The following IQSEC1 variants were observed in gnomAD, a reference collection of about 807,000 sequenced individuals.
The protein encoded by IQSEC1 is IQ motif and Sec7 domain ArfGEF 1.
A neutral mutation model predicts 91.0 loss-of-function variants in IQSEC1; 31 were observed. That is an observed-to-expected ratio of 0.34 (90% confidence interval 0.26 to 0.46). The LOEUF (loss-of-function observed/expected upper bound fraction) is 0.46, where lower values mean the gene tolerates loss of function less well. IQSEC1 is among the 20% of genes least tolerant of loss of function. The pLI, the probability that IQSEC1 is intolerant of heterozygous loss-of-function variation, is 1.00. For synonymous variants in IQSEC1, 699 were observed against 662.6 expected, an observed-to-expected ratio of 1.05 and a Z score of -0.84; for missense variants, 1,388 against 1,575.6, an observed-to-expected ratio of 0.88 and a Z score of 2.02.
chr3:12,965,383 G>A (rs530894515), intron 1 of IQSEC1, among the ~76,000 whole-genome samples: 3 of 152,316 alleles, frequency 2.0e-5, no homozygotes, highest in East Asian at 3.9e-4. Flanking sequence ...AAAGGGCTCT[G>A]GCCCCTGGGA....
intron 1 of IQSEC1, among the ~76,000 whole-genome samples, chr3:13,029,023 G>A (rs996882592): frequency 6.6e-6 from 1 of 152,204 alleles, no homozygotes; most frequent in Non-Finnish European, 1.5e-5. Flanking sequence ...ATCTCCAGGG[G>A]TTGTGAAGAT....
chr3:13,087,419 G>A (rs1170415120), intron 2 of IQSEC1, among the ~76,000 whole-genome samples: 1 of 152,188 alleles, frequency 6.6e-6, no homozygotes, highest in Non-Finnish European at 1.5e-5. Context: ...CAGGAGGTCT[G>A]CAGACAAGCC....
chr3:12,904,785 C>T (rs1018147169), intron 12 of IQSEC1, among the ~76,000 whole-genome samples: 4 of 152,206 alleles, frequency 2.6e-5, no homozygotes, highest in African/African-American at 4.8e-5. Context: ...CGTCTGTAAC[C>T]GGCAACTCCT....
chr3:13,170,924 C>T (rs1576281058), intron 1 of IQSEC1, among the ~76,000 whole-genome samples: 3 of 152,000 alleles, frequency 2.0e-5, no homozygotes, highest in Admixed American at 1.3e-4. Context: ...ATGGTGAAAC[C>T]CCATCTCTAC....
rs146862367 is a variant in IQSEC1, at chr3:13,130,215, G to T, written c.302+33889C>A. Among the ~76,000 whole-genome samples, 70 of 151,208 alleles carry T rather than the reference G, an allele frequency of 4.6e-4. No individual in the cohort carries two copies. In the South Asian group the frequency reaches 0.014, roughly 30 times the overall value. On this transcript the variant is annotated intron_variant, in intron 2 of 15. Coordinates refer to the IQSEC1 transcript ENST00000648114. The stretch of plus-strand genomic sequence containing the variant: ...AAAAATTAGCCAGGTGTGGTGGCGC[G>T]CGCCTGTACTCCCAGCTACTCGGAA...
At position 13,157,326 on chromosome 3, in the gene IQSEC1, C is replaced by T. The variant is rs529627198; in HGVS notation, c.302+6778G>A. ...CAAGTTCACAGAAAACAAATCAAAA[C>T]GCAAAATACACCCAGTCAGATAGGT... On this transcript the variant is annotated intron_variant, in intron 2 of 15. Transcript: ENST00000648114. Among the ~76,000 whole-genome samples the T allele has an allele frequency of 1.1e-4, 17 of 152,284 alleles. No homozygotes were observed. In the South Asian group the frequency reaches 1.4e-3, roughly 13 times the overall value.
intron 1 of IQSEC1, among the ~76,000 whole-genome samples, chr3:12,952,397 C>G (rs1445233097): frequency 6.6e-6 from 1 of 152,204 alleles, no homozygotes; most frequent in Non-Finnish European, 1.5e-5. Context: ...CCCCATCAGT[C>G]AGCACATCGG....
At chr3:13,277,607 G>A (rs562803007) in intron 1 of IQSEC1, among the ~76,000 whole-genome samples, 2 of 152,150 alleles carry the variant, frequency 1.3e-5, no homozygotes, top group Non-Finnish European at 2.9e-5. Flanking sequence ...AACACATTTT[G>A]TCCCATCAGA....
rs530155739 is a variant in IQSEC1 at position 13,129,174 on chromosome 3, GCTAT to G, written c.302+34926_302+34929del. Among the ~76,000 whole-genome samples the G allele has an allele frequency of 1.3e-4, 20 of 152,190 alleles. No individual in the cohort carries two copies. The East Asian group carries it at 3.7e-3, about 28-fold the overall frequency. On this transcript the variant is annotated intron_variant, in intron 2 of 15. Coordinates refer to the IQSEC1 transcript ENST00000648114. ...ATTTGTTTGATATAAAGCTATTTAG[GCTAT>G]CTATTTACTATTGAGATTTGTTAGT...
chr3:13,136,726 C>T (rs358385), intron 2 of IQSEC1, among the ~76,000 whole-genome samples: 76,422 of 152,072 alleles, frequency 0.5, 20,497 homozygotes, highest in African/African-American at 0.7. Flanking sequence ...ATGTGGGTGA[C>T]CCCACCAGAC....
intron 1 of IQSEC1, among the ~76,000 whole-genome samples, chr3:13,035,239 G>A (rs779161080): frequency 1.8e-4 from 28 of 152,338 alleles, no homozygotes; most frequent in Non-Finnish European, 3.2e-4. Context: ...GACCTCCTAA[G>A]AGTGGCTCAG....
intron 2 of IQSEC1, among the ~76,000 whole-genome samples, chr3:13,154,437 G>A (rs2686603): frequency 0.52 from 7,109 of 13,770 alleles, 1,442 homozygotes; most frequent in East Asian, 0.64. Context: ...GAACTTACAT[G>A]CATATATATA....
At chr3:12,961,202 A>G (rs1367807404) in intron 1 of IQSEC1, among the ~76,000 whole-genome samples, 2 of 152,248 alleles carry the variant, frequency 1.3e-5, no homozygotes, top group African/African-American at 2.4e-5. Flanking sequence ...CCAAAGCCTC[A>G]GAAGCTCAGC....
chr3:12,952,548 G>C (rs895528967), intron 1 of IQSEC1, among the ~76,000 whole-genome samples: 2 of 152,062 alleles, frequency 1.3e-5, no homozygotes, highest in East Asian at 1.9e-4. Flanking sequence ...CAGCAACTGA[G>C]GTCCTGTGAA....
chr3:13,097,184 C>T (rs1178706131), intron 2 of IQSEC1, among the ~76,000 whole-genome samples: 1 of 152,172 alleles, frequency 6.6e-6, no homozygotes, highest in Non-Finnish European at 1.5e-5. Flanking sequence ...CATGGCATCC[C>T]TTCGCCTCTG....
At chr3:13,092,247 G>A (rs1705875071) in intron 2 of IQSEC1, among the ~76,000 whole-genome samples, 3 of 152,206 alleles carry the variant, frequency 2.0e-5, no homozygotes, top group Admixed American at 2.0e-4. Flanking sequence ...CCGTATCACG[G>A]GGGTGTTTCC....
Position 12,941,766 on chromosome 3 carries a change from C to T in IQSEC1, c.123G>A (p.Pro41=), listed in dbSNP as rs754595699. The change falls in exon 2 of 14, where the codon CCG becomes CCA. Residue 41 remains proline, a synonymous_variant. Transcript: ENST00000613206. ...GPLVPGSSLS[P]DHYEHTSVGA... Reference sequence around the variant, plus strand: ...CCACTGACGTGTGCTCGTAGTGATCCGGGCTCAGGCTGGAACCGGGCACCA... The same window carrying T: ...CCACTGACGTGTGCTCGTAGTGATCTGGGCTCAGGCTGGAACCGGGCACCA... The T allele has an allele frequency of 1.5e-5, 24 of 1,611,958 alleles. No individual in the cohort carries two copies. The highest frequency in any genetic ancestry group is 5.5e-5 in the South Asian group (5 of 90,994).
intron 1 of IQSEC1, among the ~76,000 whole-genome samples, chr3:13,249,863 T>C (rs1472383526): frequency 2.6e-5 from 4 of 152,202 alleles, no homozygotes; most frequent in African/African-American, 9.6e-5. Flanking sequence ...CACTCAGCCA[T>C]GTGAAGACCC....
chr3:12,985,663 G>A (rs376311), intron 1 of IQSEC1, among the ~76,000 whole-genome samples: 4 of 151,580 alleles, frequency 2.6e-5, no homozygotes, highest in Non-Finnish European at 5.9e-5. Flanking sequence ...GTGGCAGAGT[G>A]GGGGGGGTCA....
Sources: allele counts gnomAD v4.1 joint callset (sites outside exome capture counted in the v4.1 genomes callset), GRCh38; gene constraint gnomAD v4.1.1; transcripts MANE v1.5; gene names NCBI Gene and HGNC (gene_info 2026-07-23, HGNC 2026-07-21).